Variants in KCNB2 observed in about 807,000 individuals in gnomAD.
KCNB2 encodes potassium voltage-gated channel subfamily B member 2.
KCNB2 carries 15 observed loss-of-function variants against 61.5 expected under a neutral mutation model. The ratio of observed to expected loss-of-function variants is 0.24; its 90% confidence interval spans 0.16 to 0.38. KCNB2 has a LOEUF of 0.38. Among genes scored for constraint, KCNB2 ranks in the 10% least tolerant of loss-of-function variants. The pLI is 1.00. For synonymous variants in KCNB2, 457 were observed against 446.0 expected, an observed-to-expected ratio of 1.02 and a Z score of -0.31; for missense variants, 828 against 1,125.2, an observed-to-expected ratio of 0.74 and a Z score of 3.78.
At chr8:72,919,313 G>GC (rs1351755541) in intron 2 of KCNB2, among the ~76,000 whole-genome samples, 1 of 152,244 alleles carries the variant, frequency 6.6e-6, no homozygotes, top group East Asian at 1.9e-4. Context: ...CTCAGCAGTG[G>GC]CCCCCACAAG....
chr8:72,882,943 G>T (rs530884650), intron 2 of KCNB2, among the ~76,000 whole-genome samples: 1 of 152,154 alleles, frequency 6.6e-6, no homozygotes, highest in South Asian at 2.1e-4. Context: ...ATCAGCTAAA[G>T]TTGTGGCCAC....
At chr8:72,851,840 A>AAACAAAAC (rs1554538999) in intron 2 of KCNB2, among the ~76,000 whole-genome samples, 1 of 134,462 alleles carries the variant, frequency 7.4e-6, no homozygotes, top group Non-Finnish European at 1.5e-5. Context: ...AAAAAAAAAA[A>AAACAAAAC]AAAAAAAACA....
chr8:72,857,252 G>A (rs1276111558), intron 2 of KCNB2, among the ~76,000 whole-genome samples: 1 of 152,162 alleles, frequency 6.6e-6, no homozygotes, highest in Non-Finnish European at 1.5e-5. Flanking sequence ...ATGGAGCCTG[G>A]ACCAGAGGTT....
intron 1 of KCNB2, among the ~76,000 whole-genome samples, chr8:72,547,995 A>G (rs1161564302): frequency 6.6e-6 from 1 of 152,200 alleles, no homozygotes; most frequent in Non-Finnish European, 1.5e-5. Flanking sequence ...GCTACCACTG[A>G]GATCAGTCAG....
chr8:72,599,382 A>G (rs184820043), intron 2 of KCNB2, among the ~76,000 whole-genome samples: 2,029 of 152,346 alleles, frequency 0.013, 41 homozygotes, highest in African/African-American at 0.047. Context: ...GTGCTGGGAA[A>G]ACTGACTAGC....
At chr8:72,825,271 T>A (rs1334866434) in intron 2 of KCNB2, among the ~76,000 whole-genome samples, 6 of 152,176 alleles carry the variant, frequency 3.9e-5, no homozygotes, top group African/African-American at 1.4e-4. Context: ...GAGAGAGAGA[T>A]CACATTTTGT....
chr8:72,670,802 G>A (rs1477956731), intron 2 of KCNB2, among the ~76,000 whole-genome samples: 1 of 152,056 alleles, frequency 6.6e-6, no homozygotes, highest in African/African-American at 2.4e-5. Flanking sequence ...CCCTAACCAC[G>A]TCCAGCCTCA....
chr8:72,826,169 A>G (rs1028984773), intron 2 of KCNB2, among the ~76,000 whole-genome samples: 1 of 152,158 alleles, frequency 6.6e-6, no homozygotes, highest in Admixed American at 6.5e-5. Flanking sequence ...ACTTTCTCTT[A>G]TACTTACTTT....
chr8:72,744,958 T>C (rs1808032861), intron 2 of KCNB2, among the ~76,000 whole-genome samples: 1 of 152,210 alleles, frequency 6.6e-6, no homozygotes, highest in Admixed American at 6.5e-5. Context: ...GTCCTCCCAC[T>C]GCTGTGGCTA....
At chr8:72,570,030 A>G (rs1426610589) in intron 2 of KCNB2, among the ~76,000 whole-genome samples, 1 of 152,164 alleles carries the variant, frequency 6.6e-6, no homozygotes, top group Non-Finnish European at 1.5e-5. Flanking sequence ...TCTCACAAGG[A>G]TAGAATAAGG....
intron 2 of KCNB2, among the ~76,000 whole-genome samples, chr8:72,810,628 G>T (rs1394902852): frequency 6.6e-6 from 1 of 152,240 alleles, no homozygotes; most frequent in Non-Finnish European, 1.5e-5. Context: ...TAATTTTATA[G>T]TATAGCTATT....
At chr8:72,546,750 G>A (rs1174003650) in intron 1 of KCNB2, among the ~76,000 whole-genome samples, 4 of 152,080 alleles carry the variant, frequency 2.6e-5, no homozygotes, top group African/African-American at 9.7e-5. Flanking sequence ...TCCCCCTTCA[G>A]CCTTCCAAGT....
chr8:72,795,349 G>T (rs1316245972), intron 2 of KCNB2, among the ~76,000 whole-genome samples: 1 of 152,174 alleles, frequency 6.6e-6, no homozygotes, highest in Non-Finnish European at 1.5e-5. Context: ...TCCGTAAAAT[G>T]ACCTATTCTG....
At chr8:72,733,868 G>A (rs1274214527) in intron 2 of KCNB2, among the ~76,000 whole-genome samples, 1 of 152,080 alleles carries the variant, frequency 6.6e-6, no homozygotes, top group African/African-American at 2.4e-5. Flanking sequence ...TGGTTGGAGG[G>A]GGAAGCCTGA....
intron 2 of KCNB2, among the ~76,000 whole-genome samples, chr8:72,821,212 A>G (rs2129001071): frequency 6.6e-6 from 1 of 152,306 alleles, no homozygotes; most frequent in East Asian, 1.9e-4. Context: ...TATGCCCATC[A>G]GGCATCAAGG....
intron 2 of KCNB2, among the ~76,000 whole-genome samples, chr8:72,737,654 A>G (rs1049584416): frequency 1.3e-5 from 2 of 152,176 alleles, no homozygotes; most frequent in Non-Finnish European, 2.9e-5. Context: ...AGATGGGAAG[A>G]TTACTAAATT....
At chr8:72,703,178 C>A (rs1807163400) in intron 2 of KCNB2, among the ~76,000 whole-genome samples, 1 of 152,174 alleles carries the variant, frequency 6.6e-6, no homozygotes, top group African/African-American at 2.4e-5. Flanking sequence ...TAATTCTAAG[C>A]TCAGTCTGGT....
At chr8:72,907,299 G>A (rs1806196203) in intron 2 of KCNB2, among the ~76,000 whole-genome samples, 1 of 152,160 alleles carries the variant, frequency 6.6e-6, no homozygotes, top group African/African-American at 2.4e-5. Flanking sequence ...AGATGTTGCA[G>A]TGAGCCAAGA....
At chr8:72,667,019 G>GAA (rs1563553781) in intron 2 of KCNB2, among the ~76,000 whole-genome samples, 6 of 151,544 alleles carry the variant, frequency 4.0e-5, no homozygotes, top group African/African-American at 1.2e-4. Context: ...GAGAGAGAGA[G>GAA]TGACAGAGAG....
Sources: gnomAD v4.1 joint callset for allele counts (sites outside exome capture counted in the v4.1 genomes callset) on GRCh38, gnomAD v4.1.1 for gene constraint, MANE v1.5 for transcripts, NCBI Gene and HGNC (gene_info 2026-07-23, HGNC 2026-07-21) for gene names.